Variants in BTRC observed in about 807,000 individuals in gnomAD.
BTRC encodes the protein beta-transducin repeat containing E3 ubiquitin protein ligase.
In BTRC, 42 loss-of-function variants were observed where a neutral mutation model predicts 85.5. The observed-to-expected ratio is 0.49, with a 90% CI of 0.38 to 0.64. The LOEUF is 0.64. Ranked by LOEUF, BTRC falls within the 30% of genes least tolerant of loss-of-function variation. BTRC has a pLI of 0.00. For missense variants in BTRC, 594 were observed against 743.5 expected (o/e 0.80, Z 2.34); for synonymous variants, 255 against 263.3 (o/e 0.97, Z 0.30).
Position 101,535,342 on chromosome 10 carries a change from T to C in BTRC, c.1348-12T>C. On this transcript the variant is annotated splice_polypyrimidine_tract_variant and intron_variant, in intron 10 of 14. Coordinates refer to ENST00000370187, the MANE Select transcript of BTRC (RefSeq NM_033637.4). ...CACCAAATCAACTGCTCAATGCCATTTTCTTTTTCAGGTATGGAACACAAG... is the reference window on the plus strand; with the variant it reads ...CACCAAATCAACTGCTCAATGCCATCTTCTTTTTCAGGTATGGAACACAAG... The C allele has an allele frequency of 6.2e-7, 1 of 1,603,142 alleles. No homozygotes were observed. Among genetic ancestry groups the C allele is most frequent in the Non-Finnish European group, 8.5e-7 (1 of 1,171,458 alleles).
At chr10:101,415,095 A>G (rs956595872) in intron 1 of BTRC, among the ~76,000 whole-genome samples, 1 of 152,154 alleles carries the variant, frequency 6.6e-6, no homozygotes, top group African/African-American at 2.4e-5. Flanking sequence ...TTGACCACTC[A>G]TTCAGTAACT....
At chr10:101,371,207 C>T (rs146868221) in intron 1 of BTRC, among the ~76,000 whole-genome samples, 45 of 151,694 alleles carry the variant, frequency 3.0e-4, no homozygotes, top group African/African-American at 7.0e-4. Flanking sequence ...CCCCCAGAGA[C>T]GGAGTCTTGC....
chr10:101,521,940 A>G, intron 5 of BTRC, 70 bp downstream of exon 5: 2 of 1,208,220 alleles, frequency 1.7e-6, no homozygotes, highest in Admixed American at 2.3e-5. Context: ...CCAGCTATAT[A>G]TCTCTCTTTA....
chr10:101,422,079 G>T (rs1589447277), intron 1 of BTRC, among the ~76,000 whole-genome samples: 2 of 152,144 alleles, frequency 1.3e-5, no homozygotes, highest in East Asian at 3.9e-4. Flanking sequence ...CTAGTTTACA[G>T]TCCCACCAAC....
At chr10:101,397,457 C>T (rs1943392506) in intron 1 of BTRC, among the ~76,000 whole-genome samples, 1 of 152,216 alleles carries the variant, frequency 6.6e-6, no homozygotes, top group Admixed American at 6.5e-5. Flanking sequence ...TCTGGTGCCA[C>T]AAGTTGCTAG....
intron 1 of BTRC, among the ~76,000 whole-genome samples, chr10:101,372,148 A>G (rs1175882747): frequency 6.6e-6 from 1 of 151,814 alleles, no homozygotes; most frequent in African/African-American, 2.4e-5. Context: ...TAATTTCTAT[A>G]TTTTTATATA....
chr10:101,467,379 G>T lies in BTRC; in HGVS notation c.234+5321G>T, dbSNP rs1035183076. On this transcript the variant is annotated intron_variant, in intron 3 of 14. Transcript: ENST00000370187. ...TTGTTTTAGGTTAGTCACTTTAATT[G>T]TATTGAGTAATTAGAAGGTACACAC... Among the ~76,000 whole-genome samples, 239 of 132,328 alleles carry T rather than the reference G, an allele frequency of 1.8e-3. 2 individuals are homozygous for T. Among genetic ancestry groups the T allele is most frequent in the African/African-American group, 6.1e-3 (216 of 35,596 alleles). 86.8% of individuals were successfully genotyped at this position (132,328 alleles called of 152,430 possible).
At chr10:101,374,801 GAAAA>G (rs1942746441) in intron 1 of BTRC, among the ~76,000 whole-genome samples, 1 of 146,332 alleles carries the variant, frequency 6.8e-6, no homozygotes, top group Admixed American at 6.8e-5. Flanking sequence ...AAAAAAAAAA[GAAAA>G]GTTTATCCGC....
chr10:101,461,592 G>C (rs1358713859), intron 2 of BTRC, among the ~76,000 whole-genome samples: 2 of 152,166 alleles, frequency 1.3e-5, no homozygotes, highest in African/African-American at 4.8e-5. Flanking sequence ...TTGGAGATCT[G>C]TGCCAACCAA....
Position 101,534,784 on chromosome 10 carries a change from A to G in BTRC, c.1221A>G (p.Val407=), listed in dbSNP as rs768228515. 10 of 1,614,086 alleles carry G rather than the reference A, an allele frequency of 6.2e-6. No individual in the cohort carries two copies. Among genetic ancestry groups the G allele is most frequent in the Admixed American group, 1.7e-5 (1 of 60,010 alleles). ...GCTCCAAAGATCGTTCCATTGCTGT[A>G]TGGGATATGGCCTCCCCAACTGACA... ...VTCSKDRSIA[V]WDMASPTDIT... Residue 407 remains valine (V), a synonymous_variant, in exon 10 of 15, where the codon GTA becomes GTG. Coordinates refer to ENST00000370187, the MANE Select transcript of BTRC (RefSeq NM_033637.4).
At chr10:101,452,320 T>C (rs908099197) in intron 2 of BTRC, among the ~76,000 whole-genome samples, 1 of 152,204 alleles carries the variant, frequency 6.6e-6, no homozygotes, top group Middle Eastern at 3.2e-3. Flanking sequence ...ACAGAGACTT[T>C]ATATTGCTTT....
rs528306761 is a variant in BTRC, at chr10:101,499,738, C to A, written c.324+20281C>A. Reference sequence around the variant, plus strand: ...CTTCCATCCTTACTATGTAGGCCTACGAGATTGCTCACTATCAAAAAATGC... The same window carrying A: ...CTTCCATCCTTACTATGTAGGCCTAAGAGATTGCTCACTATCAAAAAATGC... On this transcript the variant is annotated intron_variant, in intron 4 of 14. Coordinates refer to ENST00000370187, the MANE Select transcript of BTRC (RefSeq NM_033637.4). 8.6e-5 allele frequency among the ~76,000 whole-genome samples: 13 copies of A among 151,096 alleles called. No homozygotes were observed. The Admixed American group carries it at 8.6e-4, about 10-fold the overall frequency.
chr10:101,430,354 C>T lies in BTRC; in HGVS notation c.58C>T (p.Pro20Ser). 6.2e-7 allele frequency: 1 copy of T among 1,613,618 alleles called. No homozygotes were observed. The highest frequency in any genetic ancestry group is 8.5e-7 in the Non-Finnish European group (1 of 1,179,662). The change falls in exon 2 of 15, where the codon CCC becomes TCC. Residue 20 changes from proline (P) to serine (S), a missense_variant. Pro to Ser is a moderately conservative substitution (Grantham distance 74, BLOSUM62 -1). Transcript: ENST00000370187. ...TGTCCTCTCTCTGCAGTGCTCTATG[C>T]CCAGGTCTCTGTGGCTGGGCTGCTC... ...EKALKFMCSM[P>S]RSLWLGCSSL...
At chr10:101,461,465 T>C (rs1945223893) in intron 2 of BTRC, among the ~76,000 whole-genome samples, 1 of 152,170 alleles carries the variant, frequency 6.6e-6, no homozygotes, top group Non-Finnish European at 1.5e-5. Context: ...AGGAATGGAC[T>C]CTAATCCTAA....
At chr10:101,392,225 G>A (rs1047559383) in intron 1 of BTRC, among the ~76,000 whole-genome samples, 3 of 152,110 alleles carry the variant, frequency 2.0e-5, no homozygotes, top group East Asian at 1.9e-4. Context: ...TGATCTGCCC[G>A]CCTTGGCCTC....
At chr10:101,422,475 A>G (rs1290566462) in intron 1 of BTRC, among the ~76,000 whole-genome samples, 1 of 152,198 alleles carries the variant, frequency 6.6e-6, no homozygotes, top group East Asian at 1.9e-4. Flanking sequence ...TAGTTTAATT[A>G]GATCCCATTT....
chr10:101,363,435 G>A (rs1942269419), intron 1 of BTRC, among the ~76,000 whole-genome samples: 1 of 152,092 alleles, frequency 6.6e-6, no homozygotes, highest in South Asian at 2.1e-4. Context: ...TTAAGGGAGG[G>A]GAAGTTCGTT....
At chr10:101,492,427 G>C (rs1291945964) in intron 4 of BTRC, among the ~76,000 whole-genome samples, 3 of 152,040 alleles carry the variant, frequency 2.0e-5, no homozygotes, top group African/African-American at 7.2e-5. Context: ...TGGATTAATG[G>C]GCAACCTAAA....
At chr10:101,358,965 G>A (rs1590195041) in intron 1 of BTRC, among the ~76,000 whole-genome samples, 1 of 152,124 alleles carries the variant, frequency 6.6e-6, no homozygotes, top group Non-Finnish European at 1.5e-5. Context: ...TATGCTAGTT[G>A]GATGTTAAGG....
Sources: gnomAD v4.1 joint callset for allele counts (sites outside exome capture counted in the v4.1 genomes callset) on GRCh38, gnomAD v4.1.1 for gene constraint, MANE v1.5 for transcripts, NCBI Gene and HGNC (gene_info 2026-07-23, HGNC 2026-07-21) for gene names.